Variants in FREM1 observed in about 807,000 individuals in gnomAD.
FREM1 encodes FRAS1 related extracellular matrix 1.
FREM1 carries 220 observed loss-of-function variants against 210.1 expected under a neutral mutation model. That is an observed-to-expected ratio of 1.05 (90% CI 0.94 to 1.17). The LOEUF (loss-of-function observed/expected upper bound fraction) is 1.17. FREM1 is among the 50% of genes most tolerant of loss of function. FREM1 has a pLI of 0.00. For synonymous variants in FREM1, 1,189 were observed against 980.2 expected (o/e 1.21, Z -3.98); for missense variants, 3,454 against 2,675.5 (o/e 1.29, Z -6.42).
intron 13 of FREM1, among the ~76,000 whole-genome samples, chr9:14,821,460 G>A (rs971935575): frequency 6.6e-6 from 1 of 152,154 alleles, no homozygotes; most frequent in African/African-American, 2.4e-5. Context: ...GATTGTTTTA[G>A]AGAAAACTTT....
chr9:14,880,345 T>G (rs1296703927), intron 1 of FREM1, among the ~76,000 whole-genome samples: 3 of 152,186 alleles, frequency 2.0e-5, no homozygotes, highest in Non-Finnish European at 4.4e-5. Flanking sequence ...GGCTCATGCC[T>G]GTAATCCCAG....
At position 14,812,987 on chromosome 9, in the gene FREM1, C is replaced by T. The variant is rs1275922775; in HGVS notation, c.2718G>A (p.Glu906=). The T allele has an allele frequency of 1.2e-5, 19 of 1,613,814 alleles. No homozygotes were observed. In the Admixed American group the frequency reaches 3.2e-4, roughly 27 times the overall value. The part of the protein sequence containing the change: ...MPVMNCSEGG[E]VVITSEYIFA... ...AAATGTATTCAGAGGTGATGACCAC[C>T]TCTCCTCCCTCTGAGCAATTCATGA... The change falls in exon 16 of 37, where the codon GAG becomes GAA. Residue 906 remains glutamate (E), a synonymous_variant. Transcript: ENST00000380880.
At chr9:14,770,561 G>A (rs1049857634) in intron 26 of FREM1, 44 bp downstream of exon 26, 2 of 1,446,008 alleles carry the variant, frequency 1.4e-6, no homozygotes, top group Non-Finnish European at 9.7e-7. Context: ...GCCAGCCACT[G>A]GGTATTTTAA....
intron 27 of FREM1, among the ~76,000 whole-genome samples, chr9:14,764,132 G>A (rs1045315099): frequency 6.6e-6 from 1 of 152,166 alleles, no homozygotes; most frequent in African/African-American, 2.4e-5. Context: ...GAGATCTGAT[G>A]ACTTTACGAG....
Position 14,784,565 on chromosome 9 carries a change from G to A in FREM1, c.4247C>T (p.Thr1416Met), listed in dbSNP as rs759271289. 61 of 1,612,272 alleles carry A rather than the reference G, an allele frequency of 3.8e-5. No individual in the cohort carries two copies. Among genetic ancestry groups the A allele is most frequent in the East Asian group, 6.7e-5 (3 of 44,790 alleles). ...KGDRGFLTTT[T>M]LLAVDGTDKP... ...GTCTGTTCCGTCCACAGCCAGGAGCGTGGTGGTTGTTAAGAAACCTCTATC... is the reference window on the plus strand; with the variant it reads ...GTCTGTTCCGTCCACAGCCAGGAGCATGGTGGTTGTTAAGAAACCTCTATC... Residue 1416 changes from threonine (T) to methionine (M), a missense_variant, in exon 24 of 37, where the codon ACG becomes ATG. Physicochemically the swap from Thr to Met is moderately conservative, Grantham distance 81. Coordinates refer to ENST00000380880, the MANE Select transcript of FREM1 (RefSeq NM_001379081.2).
chr9:14,891,658 C>T (rs1301024898), intron 1 of FREM1, among the ~76,000 whole-genome samples: 1 of 152,170 alleles, frequency 6.6e-6, no homozygotes, highest in African/African-American at 2.4e-5. Context: ...TTGACTCAAA[C>T]TGGGCCTAGG....
chr9:14,799,389 G>C (rs1853089682), intron 20 of FREM1, among the ~76,000 whole-genome samples: 1 of 151,962 alleles, frequency 6.6e-6, no homozygotes, highest in African/African-American at 2.4e-5. Context: ...ATATGCTAAA[G>C]TTTTTAAAAA....
chr9:14,811,007 A>G (rs1218917836), intron 16 of FREM1, among the ~76,000 whole-genome samples: 2 of 152,230 alleles, frequency 1.3e-5, no homozygotes, highest in Non-Finnish European at 2.9e-5. Flanking sequence ...ACGTAGAAGC[A>G]AGAGAAGGGC....
chr9:14,783,573 G>A (rs796102876), intron 24 of FREM1, among the ~76,000 whole-genome samples: 18 of 152,284 alleles, frequency 1.2e-4, no homozygotes, highest in African/African-American at 4.3e-4. Flanking sequence ...TGCCCGGCCT[G>A]GGGATCTGTG....
rs76002580 is a variant in FREM1, at chr9:14,868,986, G to C, written c.-9C>G. Reference sequence around the variant, plus strand: ...CAACTCAGAGAGTTCATGCTGACAGGGCCCAACTCTTCTCTGTCCACCGGC... The same window carrying C: ...CAACTCAGAGAGTTCATGCTGACAGCGCCCAACTCTTCTCTGTCCACCGGC... On this transcript the variant is annotated 5_prime_UTR_variant, in exon 2 of 37. Coordinates refer to ENST00000380880, the MANE Select transcript of FREM1 (RefSeq NM_001379081.2). 13,948 of 1,540,550 alleles carry C rather than the reference G, an allele frequency of 9.1e-3. 1,022 individuals carry two copies. The African/African-American group carries it at 0.16, about 18-fold the overall frequency.
rs796337284 is a variant in FREM1, at chr9:14,860,789, A to T, written c.330-1305T>A. 2.3e-3 allele frequency among the ~76,000 whole-genome samples: 202 copies of T among 86,936 alleles called. 3 individuals are homozygous for T. The highest frequency in any genetic ancestry group is 0.015 in the East Asian group (23 of 1,578). The allele number at this position is 86,936 out of a possible 152,430, so 57.0% of individuals were successfully genotyped here. A position where few individuals can be genotyped will look rare whatever the true frequency, so the allele number is the denominator to read the frequency against. ...CATATATACACATATATACATATAT[A>T]CATATATACACATATATACATATAT... On this transcript the variant is annotated intron_variant, in intron 3 of 36. Coordinates refer to ENST00000380880, the MANE Select transcript of FREM1 (RefSeq NM_001379081.2).
At chr9:14,897,384 C>G (rs139671815) in intron 1 of FREM1, among the ~76,000 whole-genome samples, 19 of 152,286 alleles carry the variant, frequency 1.2e-4, no homozygotes, top group African/African-American at 4.1e-4. Context: ...GTTCCTTGCT[C>G]TACCATAGGG....
At chr9:14,774,698 T>G (rs1358587456) in intron 25 of FREM1, among the ~76,000 whole-genome samples, 1 of 152,124 alleles carries the variant, frequency 6.6e-6, no homozygotes, top group Non-Finnish European at 1.5e-5. Context: ...ATTCAAGGGT[T>G]TGAGAGCCAG....
chr9:14,884,914 GCTT>G (rs1835497651), intron 1 of FREM1, among the ~76,000 whole-genome samples: 1 of 101,900 alleles, frequency 9.8e-6, no homozygotes, highest in Admixed American at 1.2e-4. Context: ...ATTCATCATA[GCTT>G]TTTTTTTTTT....
intron 18 of FREM1, among the ~76,000 whole-genome samples, chr9:14,806,254 T>C (rs866608979): frequency 8.4e-4 from 8 of 9,524 alleles, no homozygotes; most frequent in Admixed American, 1.5e-3. Context: ...TGCTTTAAAC[T>C]TTTTTTTTTT....
At chr9:14,898,278 T>C (rs147613712) in intron 1 of FREM1, among the ~76,000 whole-genome samples, 2,141 of 152,322 alleles carry the variant, frequency 0.014, 45 homozygotes, top group African/African-American at 0.048. Context: ...TGATACTATC[T>C]GTCAATGTAA....
chr9:14,769,974 G>C (rs769362976), intron 26 of FREM1, 106 bp from the exon 27 acceptor site: 26 of 562,686 alleles, frequency 4.6e-5, no homozygotes, highest in Non-Finnish European at 6.3e-5. Context: ...TTAAAAAACA[G>C]CTAAAGTACA....
At chr9:14,794,755 T>C (rs780226349) in intron 21 of FREM1, among the ~76,000 whole-genome samples, 17 of 152,090 alleles carry the variant, frequency 1.1e-4, no homozygotes, top group Non-Finnish European at 2.4e-4. Flanking sequence ...ATCCCAGCAC[T>C]TTTGGAGGCT....
intron 27 of FREM1, among the ~76,000 whole-genome samples, chr9:14,761,042 T>C (rs1412636896): frequency 6.6e-6 from 1 of 152,228 alleles, no homozygotes; most frequent in Non-Finnish European, 1.5e-5. Flanking sequence ...CTCTTTCCTC[T>C]TTACTTTTAA....
Sources: allele counts gnomAD v4.1 joint callset (sites outside exome capture counted in the v4.1 genomes callset), GRCh38; gene constraint gnomAD v4.1.1; transcripts MANE v1.5; gene names NCBI Gene and HGNC (gene_info 2026-07-23, HGNC 2026-07-21).